SLC35F1: variants seen among roughly 807,000 people sequenced by gnomAD.
The protein encoded by SLC35F1 is solute carrier family 35 member F1, also known as chromosome 6 open reading frame 169.
SLC35F1 carries 14 observed loss-of-function variants against 48.7 expected under a neutral mutation model. The ratio of observed to expected loss-of-function variants is 0.29; its 90% CI spans 0.19 to 0.45. The LOEUF is 0.45. SLC35F1 is among the 20% of genes least tolerant of loss of function. SLC35F1 has a pLI of 1.00. For missense variants in SLC35F1, 404 were observed against 500.0 expected, an observed-to-expected ratio of 0.81 and a Z score of 1.83; for synonymous variants, 190 against 202.2, an observed-to-expected ratio of 0.94 and a Z score of 0.51.
chr6:117,930,399 C>T (rs944397367), intron 1 of SLC35F1, among the ~76,000 whole-genome samples: 3 of 152,170 alleles, frequency 2.0e-5, no homozygotes, highest in Admixed American at 6.5e-5. Flanking sequence ...GGGCTTTCCT[C>T]TTCCACAGCA....
intron 1 of SLC35F1, among the ~76,000 whole-genome samples, chr6:117,958,354 G>A (rs950155800): frequency 2.0e-5 from 3 of 152,088 alleles, no homozygotes; most frequent in Admixed American, 6.6e-5. Context: ...AAAAATAAAT[G>A]TAGTATAGCC....
intron 3 of SLC35F1, among the ~76,000 whole-genome samples, chr6:118,236,671 C>T (rs1044785122): frequency 2.6e-5 from 4 of 152,196 alleles, no homozygotes; most frequent in African/African-American, 9.6e-5. Flanking sequence ...CCAGGACCAC[C>T]TCCATATGCA....
intron 2 of SLC35F1, among the ~76,000 whole-genome samples, chr6:118,235,149 G>A (rs1367354659): frequency 6.6e-6 from 1 of 152,076 alleles, no homozygotes; most frequent in Non-Finnish European, 1.5e-5. Flanking sequence ...CTGAAATTTA[G>A]AATGATTTGG....
chr6:118,213,734 A>G lies in SLC35F1; in HGVS notation c.350-21775A>G, dbSNP rs78135994. ...TTATATATAGATCAACTAGAGTATG[A>G]TACCAGTATTATAAATTTGATAAAA... On this transcript the variant is annotated intron_variant, in intron 2 of 7. Transcript: ENST00000360388. Among the ~76,000 whole-genome samples the G allele has an allele frequency of 4.9e-3, 741 of 152,368 alleles. 9 individuals are homozygous for G. Among genetic ancestry groups the G allele is most frequent in the African/African-American group, 0.017 (688 of 41,590 alleles).
chr6:117,946,572 C>G (rs1198783973), intron 1 of SLC35F1, among the ~76,000 whole-genome samples: 2 of 152,196 alleles, frequency 1.3e-5, no homozygotes, highest in East Asian at 3.8e-4. Flanking sequence ...TAATATATCT[C>G]TCTTTGAGAT....
At chr6:117,963,349 T>G (rs1229104705) in intron 1 of SLC35F1, among the ~76,000 whole-genome samples, 4 of 148,706 alleles carry the variant, frequency 2.7e-5, no homozygotes, top group Non-Finnish European at 1.5e-5. Context: ...ATTTTATTGT[T>G]TTTTTTTTTT....
At chr6:118,163,154 G>A (rs552612650) in intron 2 of SLC35F1, among the ~76,000 whole-genome samples, 1 of 151,938 alleles carries the variant, frequency 6.6e-6, no homozygotes, top group African/African-American at 2.4e-5. Flanking sequence ...AGTGGAGACG[G>A]GGTTTCACCA....
chr6:118,185,923 C>T (rs1774650288), intron 2 of SLC35F1, among the ~76,000 whole-genome samples: 1 of 152,182 alleles, frequency 6.6e-6, no homozygotes, highest in Non-Finnish European at 1.5e-5. Flanking sequence ...CCTCCTCTCC[C>T]TCCCAAAACC....
intron 2 of SLC35F1, among the ~76,000 whole-genome samples, chr6:118,234,056 A>C (rs1274714862): frequency 6.6e-6 from 1 of 152,244 alleles, no homozygotes; most frequent in Non-Finnish European, 1.5e-5. Context: ...ATTGGAATAC[A>C]GCTAAGAGCA....
chr6:117,999,104 C>T lies in SLC35F1; in HGVS notation c.173+91205C>T, dbSNP rs188125104. ...GGACCCCAAGTTCCTGAGGAACATG[C>T]GCTTTGCCAAGAAGCACAACAAAAA... On this transcript the variant is annotated intron_variant, in intron 1 of 7. Transcript: ENST00000360388. The T allele has an allele frequency of 6.3e-4, 985 of 1,559,504 alleles. 6 individuals are homozygous for T. The South Asian group carries it at 7.5e-3, about 12-fold the overall frequency.
At chr6:117,945,473 A>C (rs1207759131) in intron 1 of SLC35F1, among the ~76,000 whole-genome samples, 5 of 152,226 alleles carry the variant, frequency 3.3e-5, no homozygotes, top group Non-Finnish European at 7.3e-5. Flanking sequence ...ATTGTTATTT[A>C]GGAAGAGTAA....
At chr6:117,946,265 A>G (rs753571365) in intron 1 of SLC35F1, among the ~76,000 whole-genome samples, 1 of 152,200 alleles carries the variant, frequency 6.6e-6, no homozygotes, top group Non-Finnish European at 1.5e-5. Flanking sequence ...GGATTTAAAA[A>G]TTATTATCTT....
intron 1 of SLC35F1, among the ~76,000 whole-genome samples, chr6:117,995,485 G>A (rs1776972523): frequency 6.6e-6 from 1 of 152,200 alleles, no homozygotes; most frequent in African/African-American, 2.4e-5. Flanking sequence ...CAAAGGGCAT[G>A]TAATCCCAGC....
chr6:118,126,771 G>A (rs1450545593), intron 1 of SLC35F1, among the ~76,000 whole-genome samples: 1 of 151,416 alleles, frequency 6.6e-6, no homozygotes, highest in Admixed American at 6.6e-5. Flanking sequence ...CTCATGATTT[G>A]GCTCTCTGTT....
intron 1 of SLC35F1, among the ~76,000 whole-genome samples, chr6:117,961,064 T>C (rs899010923): frequency 6.6e-6 from 1 of 152,098 alleles, no homozygotes; most frequent in Non-Finnish European, 1.5e-5. Context: ...GGAATGGAAA[T>C]CAAAAGGAGA....
chr6:117,981,726 T>G (rs533225115), intron 1 of SLC35F1, among the ~76,000 whole-genome samples: 1 of 152,230 alleles, frequency 6.6e-6, no homozygotes, highest in Non-Finnish European at 1.5e-5. Flanking sequence ...GGAGTTAATG[T>G]TAAGCTTTAC....
intron 7 of SLC35F1, among the ~76,000 whole-genome samples, chr6:118,293,020 T>C (rs965307860): frequency 1.4e-4 from 21 of 152,172 alleles, no homozygotes; most frequent in African/African-American, 4.1e-4. Context: ...CAGAGACCCC[T>C]GAAACCAAGC....
At chr6:117,999,107 T>G in intron 1 of SLC35F1, 1 of 1,574,626 alleles carries the variant, frequency 6.4e-7, no homozygotes, top group Non-Finnish European at 8.6e-7. Context: ...GAACATGCGC[T>G]TTGCCAAGAA....
At chr6:118,312,782 T>C (rs1425049779) in intron 7 of SLC35F1, among the ~76,000 whole-genome samples, 1 of 152,230 alleles carries the variant, frequency 6.6e-6, no homozygotes, top group Non-Finnish European at 1.5e-5. Flanking sequence ...ATCTTTTAGC[T>C]TTGTACTATA....
Sources: gnomAD v4.1 joint callset for allele counts (sites outside exome capture counted in the v4.1 genomes callset) on GRCh38, gnomAD v4.1.1 for gene constraint, MANE v1.5 for transcripts, NCBI Gene and HGNC (gene_info 2026-07-23, HGNC 2026-07-21) for gene names.